The following CHN1 variants were observed in gnomAD, a reference collection of about 807,000 sequenced individuals.
The protein encoded by CHN1 is N-chimaerin.
In CHN1, 37 loss-of-function variants were observed where a neutral mutation model predicts 59.5. The observed-to-expected ratio is 0.62, with a 90% CI of 0.48 to 0.82. CHN1 has a LOEUF of 0.82. Among genes scored for constraint, CHN1 ranks in the 40% least tolerant of loss-of-function variants. CHN1 has a pLI of 0.00. For synonymous variants in CHN1, 206 were observed against 200.4 expected (o/e 1.03, Z -0.24); for missense variants, 469 against 571.0 (o/e 0.82, Z 1.82).
intron 6 of CHN1, among the ~76,000 whole-genome samples, chr2:174,863,593 T>C (rs766138946): frequency 5.3e-5 from 8 of 152,218 alleles, no homozygotes; most frequent in South Asian, 2.1e-4. Context: ...ATTTCCAATA[T>C]AGTAAATATC....
In CHN1 at chr2:174,799,581, CTA is replaced by C; in HGVS notation, c.*533_*534del. On this transcript the variant is annotated 3_prime_UTR_variant, in exon 13 of 13. Coordinates refer to ENST00000409900, the MANE Select transcript of CHN1 (RefSeq NM_001822.7). ...TTTTGCTTTTGCTGGAAAGAAAGTA[CTA>C]TGTTAGAGAAGAACTAAGAGAAACC... 1.9e-6 allele frequency: 1 copy of C among 526,020 alleles called. No individual in the cohort carries two copies. The highest frequency in any genetic ancestry group is 3.7e-6 in the Non-Finnish European group (1 of 271,328). The allele number at this position is 526,020 out of a possible 1,614,324, so 32.6% of individuals were successfully genotyped here. A position where few individuals can be genotyped will look rare whatever the true frequency, so the allele number is the denominator to read the frequency against.
At chr2:174,945,195 T>C (rs543082650) in intron 2 of CHN1, 6 of 495,830 alleles carry the variant, frequency 1.2e-5, no homozygotes, top group East Asian at 7.6e-5. Flanking sequence ...TGCTGGATAT[T>C]TGGCTCTGTT....
At chr2:174,928,847 A>T (rs1689249602) in intron 3 of CHN1, among the ~76,000 whole-genome samples, 1 of 152,250 alleles carries the variant, frequency 6.6e-6, no homozygotes, top group Non-Finnish European at 1.5e-5. Context: ...CATAGAAAAT[A>T]TCAATATGGT....
intron 1 of CHN1, among the ~76,000 whole-genome samples, chr2:174,975,637 CA>C (rs893961038): frequency 1.7e-5 from 2 of 117,124 alleles, no homozygotes; most frequent in African/African-American, 3.5e-5. Context: ...TTTAGCCAGG[CA>C]AAAAAAACAA....
At position 175,005,224 on chromosome 2, in the gene CHN1, G is replaced by C. The variant is rs1414942472; in HGVS notation, c.-312C>G. ...GAGGTACCTGCGAGGCAGGAGGCTTGGCCGCGGCGCAGTGGCTGGCGGAGA... is the reference window on the plus strand; with the variant it reads ...GAGGTACCTGCGAGGCAGGAGGCTTCGCCGCGGCGCAGTGGCTGGCGGAGA... On this transcript the variant is annotated 5_prime_UTR_variant, in exon 1 of 13. Transcript: ENST00000409900. The C allele has an allele frequency of 2.5e-6, 3 of 1,199,854 alleles. No individual in the cohort carries two copies. The highest frequency in any genetic ancestry group is 8.8e-5 in the East Asian group (2 of 22,664). The allele number at this position is 1,199,854 out of a possible 1,614,324, so 74.3% of individuals were successfully genotyped here.
intron 2 of CHN1, among the ~76,000 whole-genome samples, chr2:174,949,406 C>A (rs896987129): frequency 6.6e-6 from 1 of 152,136 alleles, no homozygotes; most frequent in Non-Finnish European, 1.5e-5. Flanking sequence ...AGCCTCCATA[C>A]CCCTTGGGCC....
In CHN1 at chr2:174,801,752, G is replaced by A; in HGVS notation, c.1163C>T (p.Pro388Leu). 4 of 1,613,488 alleles carry A rather than the reference G, an allele frequency of 2.5e-6. No individual in the cohort carries two copies. The highest frequency in any genetic ancestry group is 3.4e-6 in the Non-Finnish European group (4 of 1,179,542). ...GTACCGGAGGGTTTCGCAGTGAGCA[G>A]GTGGCAGTAGTTTCAGTGCTTCATG... ...TLHEALKLLP[P>L]AHCETLRYLM... The change falls in exon 12 of 13, where the codon CCT becomes CTT. Residue 388 changes from proline to leucine, a missense_variant. Physicochemically the swap from Pro to Leu is moderately conservative, Grantham distance 98. This residue lies in a region of CHN1 where 225 missense variants were observed against 289.9 expected (regional missense o/e 0.78). Coordinates refer to ENST00000409900, the MANE Select transcript of CHN1 (RefSeq NM_001822.7).
intron 8 of CHN1, among the ~76,000 whole-genome samples, chr2:174,816,485 C>T (rs1685270805): frequency 6.6e-6 from 1 of 152,192 alleles, no homozygotes. Context: ...TGCTGGGCTG[C>T]CCTTTTCCCA....
intron 1 of CHN1, among the ~76,000 whole-genome samples, chr2:174,973,567 G>A (rs1056076795): frequency 6.6e-6 from 1 of 152,226 alleles, no homozygotes; most frequent in Non-Finnish European, 1.5e-5. Context: ...AGCAAAAGAT[G>A]AAGGATGCCT....
chr2:174,869,172 A>G (rs1687323268), intron 6 of CHN1, among the ~76,000 whole-genome samples: 1 of 152,282 alleles, frequency 6.6e-6, no homozygotes, highest in Non-Finnish European at 1.5e-5. Context: ...TGTGTACTCA[A>G]ATTTACTGAA....
chr2:174,859,579 G>A (rs1687010234), intron 6 of CHN1, among the ~76,000 whole-genome samples: 1 of 152,176 alleles, frequency 6.6e-6, no homozygotes, highest in South Asian at 2.1e-4. Context: ...AGCACTTAGA[G>A]CTTTACATTC....
chr2:174,890,774 A>T (rs1336084594), intron 5 of CHN1, among the ~76,000 whole-genome samples: 3 of 152,140 alleles, frequency 2.0e-5, no homozygotes, highest in Non-Finnish European at 4.4e-5. Flanking sequence ...CAGCAGAAGA[A>T]TGCACATTCT....
chr2:174,812,470 T>C lies in CHN1; in HGVS notation c.725A>G (p.Asn242Ser), dbSNP rs775787683. 1.2e-6 allele frequency: 2 copies of C among 1,613,894 alleles called. No homozygotes were observed. Among genetic ancestry groups the C allele is most frequent in the Non-Finnish European group, 1.7e-6 (2 of 1,179,804 alleles). The change falls in exon 9 of 13, where the codon AAT becomes AGT. Residue 242 changes from asparagine (N) to serine (S), a missense_variant. Physicochemically the swap from Asn to Ser is conservative, Grantham distance 46. This residue lies in a region of CHN1 where 225 missense variants were observed against 289.9 expected (regional missense o/e 0.78). Coordinates refer to ENST00000409900, the MANE Select transcript of CHN1 (RefSeq NM_001822.7). ...CATCTTGGAACACTGCTTATGAACATTCAAACCACAATCTAAGAAAAGAAT... is the reference window on the plus strand; with the variant it reads ...CATCTTGGAACACTGCTTATGAACACTCAAACCACAATCTAAGAAAAGAAT... ...QGVKCADCGL[N>S]VHKQCSKMVP...
chr2:174,972,647 T>G (rs1281138763), intron 1 of CHN1, among the ~76,000 whole-genome samples: 1 of 152,020 alleles, frequency 6.6e-6, no homozygotes, highest in East Asian at 1.9e-4. Context: ...GCAAAGAAAG[T>G]AAAGTGAGAT....
chr2:174,879,459 C>A (rs1035640382), intron 5 of CHN1, among the ~76,000 whole-genome samples: 3 of 152,156 alleles, frequency 2.0e-5, no homozygotes. Context: ...TTGATTTACA[C>A]TTAAGTGAAC....
intron 3 of CHN1, among the ~76,000 whole-genome samples, chr2:174,922,611 A>C (rs1257716461): frequency 6.6e-6 from 1 of 152,152 alleles, no homozygotes; most frequent in African/African-American, 2.4e-5. Context: ...GGACTGCCTG[A>C]GCCCAGGAGG....
chr2:174,959,800 T>C (rs115840765), intron 1 of CHN1, among the ~76,000 whole-genome samples: 1 of 152,288 alleles, frequency 6.6e-6, no homozygotes, highest in Non-Finnish European at 1.5e-5. Flanking sequence ...TCAGCCTCCC[T>C]GGTACACTAA....
chr2:174,831,921 T>C (rs1156291490), intron 7 of CHN1, among the ~76,000 whole-genome samples: 1 of 152,146 alleles, frequency 6.6e-6, no homozygotes, highest in Non-Finnish European at 1.5e-5. Flanking sequence ...TAAATGGTTG[T>C]GCAATAAAAA....
At chr2:174,801,411 T>G (rs1684716858) in intron 12 of CHN1, among the ~76,000 whole-genome samples, 1 of 152,228 alleles carries the variant, frequency 6.6e-6, no homozygotes, top group Non-Finnish European at 1.5e-5. Flanking sequence ...CACAACTCTA[T>G]CTTTCCACAA....
Sources: allele counts gnomAD v4.1 joint callset (sites outside exome capture counted in the v4.1 genomes callset), GRCh38; gene constraint gnomAD v4.1.1; regional missense constraint gnomAD v4.1.1; transcripts MANE v1.5; gene names NCBI Gene and HGNC (gene_info 2026-07-23, HGNC 2026-07-21).